The following BNC2 variants were observed in gnomAD, a reference collection of about 807,000 sequenced individuals.
BNC2 encodes the protein basonuclin zinc finger protein 2, also known as zinc finger protein basonuclin-2.
Under a neutral mutation model 76.3 loss-of-function variants are expected in BNC2, and 20 were observed. The ratio of observed to expected loss-of-function variants is 0.26; its 90% confidence interval spans 0.18 to 0.38. The LOEUF (loss-of-function observed/expected upper bound fraction) is 0.38. Among genes scored for constraint, BNC2 ranks in the 10% least tolerant of loss-of-function variants. BNC2 has a pLI of 1.00. For synonymous variants in BNC2, 582 were observed against 514.8 expected, an observed-to-expected ratio of 1.13 and a Z score of -1.77; for missense variants, 1,382 against 1,399.8, an observed-to-expected ratio of 0.99 and a Z score of 0.20.
chr9:16,581,215 G>T (rs1819621895), intron 4 of BNC2, among the ~76,000 whole-genome samples: 1 of 152,140 alleles, frequency 6.6e-6, no homozygotes, highest in African/African-American at 2.4e-5. Context: ...CTTAGGGTGG[G>T]CCCTAATCCA....
rs115322214 is a variant in BNC2 at position 16,622,980 on chromosome 9, A to C, written c.331-39895T>G. 4.5e-3 allele frequency among the ~76,000 whole-genome samples: 684 copies of C among 152,318 alleles called. 6 individuals are homozygous for C. Among genetic ancestry groups the C allele is most frequent in the African/African-American group, 0.015 (634 of 41,568 alleles). On this transcript the variant is annotated intron_variant, in intron 3 of 6. Transcript: ENST00000380672. ...ACCTTTGGTTTTATAGGTTATACTGAAGATTTGAATCAGTTTGCTGTCTGA... is the reference window on the plus strand; with the variant it reads ...ACCTTTGGTTTTATAGGTTATACTGCAGATTTGAATCAGTTTGCTGTCTGA...
chr9:16,497,945 G>A (rs999827781), intron 5 of BNC2, among the ~76,000 whole-genome samples: 1 of 149,480 alleles, frequency 6.7e-6, no homozygotes, highest in African/African-American at 2.4e-5. Context: ...CAACCCAAAT[G>A]CCCACCGATC....
intron 1 of BNC2, among the ~76,000 whole-genome samples, chr9:16,765,970 G>C (rs535524154): frequency 1.5e-4 from 23 of 152,076 alleles, no homozygotes; most frequent in Non-Finnish European, 3.2e-4. Flanking sequence ...TGTATTTTTA[G>C]TAGAGACGGG....
At chr9:16,607,429 A>C (rs12000426) in intron 3 of BNC2, among the ~76,000 whole-genome samples, 27,556 of 152,076 alleles carry the variant, frequency 0.18, 4,687 homozygotes, top group African/African-American at 0.45. Flanking sequence ...TGGCTGTAAC[A>C]ATTCAAACTC....
At chr9:16,864,536 C>G (rs957621564) in intron 1 of BNC2, among the ~76,000 whole-genome samples, 5 of 152,160 alleles carry the variant, frequency 3.3e-5, no homozygotes, top group African/African-American at 4.8e-5. Flanking sequence ...TGTCTATCTC[C>G]TTGGCCTGTT....
At chr9:16,824,929 A>C (rs1402231876) in intron 1 of BNC2, among the ~76,000 whole-genome samples, 3 of 152,110 alleles carry the variant, frequency 2.0e-5, no homozygotes, top group Non-Finnish European at 4.4e-5. Context: ...ATACGGTTTG[A>C]CCAGGCTAAA....
intron 3 of BNC2, among the ~76,000 whole-genome samples, chr9:16,721,623 T>A (rs1482058901): frequency 1.3e-5 from 2 of 152,118 alleles, no homozygotes; most frequent in Non-Finnish European, 2.9e-5. Flanking sequence ...AAATGGCGAA[T>A]TATTTCTACA....
intron 5 of BNC2, among the ~76,000 whole-genome samples, chr9:16,484,308 A>C (rs929042136): frequency 6.6e-6 from 1 of 152,184 alleles, no homozygotes; most frequent in Non-Finnish European, 1.5e-5. Flanking sequence ...ACACACTGGA[A>C]AATGTACAGC....
At chr9:16,606,219 G>T (rs774701084) in intron 3 of BNC2, among the ~76,000 whole-genome samples, 1 of 151,912 alleles carries the variant, frequency 6.6e-6, no homozygotes, top group Non-Finnish European at 1.5e-5. Flanking sequence ...ATGTATAAAA[G>T]ACAAAAACTT....
At chr9:16,843,775 C>T (rs10962635) in intron 1 of BNC2, among the ~76,000 whole-genome samples, 6,821 of 152,266 alleles carry the variant, frequency 0.045, 363 homozygotes, top group East Asian at 0.2. Context: ...AGGTACTACG[C>T]TTTTCATCAA....
chr9:16,807,606 G>T (rs963963291), intron 1 of BNC2, among the ~76,000 whole-genome samples: 1 of 152,084 alleles, frequency 6.6e-6, no homozygotes, highest in Non-Finnish European at 1.5e-5. Context: ...GACCTAAAAC[G>T]TTCTAAACAC....
intron 1 of BNC2, among the ~76,000 whole-genome samples, chr9:16,802,154 T>C (rs1033382322): frequency 3.3e-5 from 5 of 152,210 alleles, no homozygotes; most frequent in Admixed American, 2.0e-4. Flanking sequence ...ATACGCGGCA[T>C]TGGGGCCAGT....
Position 16,414,772 on chromosome 9 carries a change from G to C in BNC2, c.*4217C>G, listed in dbSNP as rs1442094986. On this transcript the variant is annotated 3_prime_UTR_variant, in exon 7 of 7. Transcript: ENST00000380672. ...GCTTCTTTATGCTTTAATTGTCAAC[G>C]GCCCTCATTCTCATTTGCTTGGCAC... 6.6e-6 allele frequency: 1 copy of C among 152,062 alleles called. No homozygotes were observed. The highest frequency in any genetic ancestry group is 1.5e-5 in the Non-Finnish European group (1 of 68,056). 9.4% of individuals were successfully genotyped at this position (152,062 alleles called of 1,614,324 possible).
intron 1 of BNC2, among the ~76,000 whole-genome samples, chr9:16,781,017 AAG>A (rs934977795): frequency 5.3e-5 from 8 of 152,184 alleles, no homozygotes; most frequent in Middle Eastern, 3.4e-3. Flanking sequence ...TTGAAAAAAA[AAG>A]AGAGAGAGAA....
At chr9:16,604,932 GTGTT>G (rs1214017930) in intron 3 of BNC2, among the ~76,000 whole-genome samples, 48 of 152,258 alleles carry the variant, frequency 3.2e-4, no homozygotes, top group African/African-American at 1.2e-3. Context: ...CTGTTTTTGT[GTGTT>G]TGTTTTAGTA....
intron 1 of BNC2, among the ~76,000 whole-genome samples, chr9:16,844,110 A>G (rs1335473145): frequency 6.6e-6 from 1 of 151,930 alleles, no homozygotes; most frequent in Non-Finnish European, 1.5e-5. Context: ...AATAATAATA[A>G]TAAATCTTAT....
At chr9:16,770,117 G>C (rs1825795573) in intron 1 of BNC2, among the ~76,000 whole-genome samples, 1 of 152,164 alleles carries the variant, frequency 6.6e-6, no homozygotes, top group Admixed American at 6.5e-5. Context: ...TTCAACAGCA[G>C]AGGAAACTAA....
chr9:16,644,790 C>CAATG (rs1821579934), intron 3 of BNC2, among the ~76,000 whole-genome samples: 1 of 152,196 alleles, frequency 6.6e-6, no homozygotes, highest in African/African-American at 2.4e-5. Context: ...ATGAGCTTCC[C>CAATG]AATGGAGAGT....
At chr9:16,521,684 C>T (rs1037612838) in intron 5 of BNC2, among the ~76,000 whole-genome samples, 1 of 152,048 alleles carries the variant, frequency 6.6e-6, no homozygotes, top group South Asian at 2.1e-4. Context: ...TTCTTTGTAA[C>T]GTGAGATTCC....
Sources: gnomAD v4.1 joint callset for allele counts (sites outside exome capture counted in the v4.1 genomes callset) on GRCh38, gnomAD v4.1.1 for gene constraint, MANE v1.5 for transcripts, NCBI Gene and HGNC (gene_info 2026-07-23, HGNC 2026-07-21) for gene names.